Variants in NOMO1 observed in about 807,000 individuals in gnomAD.
The protein encoded by NOMO1 is NODAL modulator 1.
In NOMO1, 40 loss-of-function variants were observed where a neutral mutation model predicts 133.8. The observed-to-expected ratio is 0.30, with a 90% CI of 0.23 to 0.39. The LOEUF is 0.39. NOMO1 is among the 10% of genes least tolerant of loss of function. The probability of loss-of-function intolerance (pLI) is 1.00; values close to 1 mark genes in which losing one functional copy is unlikely to be tolerated. For synonymous variants in NOMO1, 236 were observed against 570.5 expected, an observed-to-expected ratio of 0.41 and a Z score of 8.36; for missense variants, 462 against 1,419.9, an observed-to-expected ratio of 0.33 and a Z score of 10.84.
chr16:14,858,150 GCT>G, intron 11 of NOMO1, among the ~76,000 whole-genome samples: 1 of 75,008 alleles, frequency 1.3e-5, no homozygotes, highest in Non-Finnish European at 2.6e-5. Flanking sequence ...AAAGTCCCTT[GCT>G]TCAAATTAAA....
At chr16:14,864,530 C>T in intron 12 of NOMO1, 55 bp from the exon 13 acceptor site, 1 of 1,610,472 alleles carries the variant, frequency 6.2e-7, no homozygotes, top group South Asian at 1.1e-5. Context: ...CCCTGTAGGT[C>T]AGGGGGAAGA....
At chr16:14,860,549 G>A (rs1002174485) in intron 11 of NOMO1, among the ~76,000 whole-genome samples, 1 of 151,798 alleles carries the variant, frequency 6.6e-6, no homozygotes, top group Non-Finnish European at 1.5e-5. Flanking sequence ...GTAGTGGCCG[G>A]GCCCAGGCGG....
intron 18 of NOMO1, 34 bp from the exon 19 acceptor site, chr16:14,875,002 C>A: frequency 6.2e-7 from 1 of 1,613,488 alleles, no homozygotes; most frequent in African/African-American, 1.3e-5. Context: ...CACAAGGATA[C>A]GCAACTATGT....
At chr16:14,864,353 T>A (rs991622569) in intron 12 of NOMO1, among the ~76,000 whole-genome samples, 1 of 151,926 alleles carries the variant, frequency 6.6e-6, no homozygotes, top group African/African-American at 2.4e-5. Context: ...CAGATAGACT[T>A]TTGTTCATAC....
intron 23 of NOMO1, among the ~76,000 whole-genome samples, 189 bp from the exon 24 acceptor site, chr16:14,879,826 C>T (rs917966553): frequency 1.3e-5 from 2 of 151,008 alleles, no homozygotes; most frequent in Non-Finnish European, 3.0e-5. Context: ...CATCAGCTGC[C>T]GTTGTTAGAG....
intron 11 of NOMO1, among the ~76,000 whole-genome samples, chr16:14,861,945 A>G (rs1447129231): frequency 1.3e-5 from 2 of 149,622 alleles, no homozygotes; most frequent in Admixed American, 6.7e-5. Context: ...TTGCTGACCC[A>G]TGCTGGAGAT....
At chr16:14,854,381 C>G (rs1008651841) in intron 9 of NOMO1, among the ~76,000 whole-genome samples, 1 of 120,810 alleles carries the variant, frequency 8.3e-6, no homozygotes, top group African/African-American at 3.2e-5. Flanking sequence ...GTGGCTCAAG[C>G]TGGAGTGCAG....
intron 3 of NOMO1, among the ~76,000 whole-genome samples, chr16:14,843,413 C>T (rs532343959): frequency 3.3e-5 from 5 of 151,608 alleles, no homozygotes; most frequent in Admixed American, 2.6e-4. Flanking sequence ...AGAGCTGATA[C>T]ATGCTCAGCT....
At chr16:14,879,917 C>G in intron 23 of NOMO1, 98 bp from the exon 24 acceptor site, 1 of 1,605,018 alleles carries the variant, frequency 6.2e-7, no homozygotes, top group Non-Finnish European at 8.5e-7. Context: ...AGCCATGGCG[C>G]TCCCCTGGTG....
At chr16:14,892,467 A>G (rs62038490) in intron 29 of NOMO1, among the ~76,000 whole-genome samples, 85 of 149,520 alleles carry the variant, frequency 5.7e-4, no homozygotes, top group African/African-American at 1.4e-3. Flanking sequence ...GGTGGTGGCC[A>G]AGCAGCCCAG....
intron 6 of NOMO1, among the ~76,000 whole-genome samples, chr16:14,851,066 A>C (rs1460158288): frequency 7.7e-6 from 1 of 129,896 alleles, no homozygotes; most frequent in Non-Finnish European, 1.7e-5. Context: ...CTTGGGTGAC[A>C]GAGTGAGACT....
At position 14,853,560 on chromosome 16, in the gene NOMO1, G is replaced by A; in HGVS notation, c.829G>A (p.Gly277Ser). 2 of 1,609,754 alleles carry A rather than the reference G, an allele frequency of 1.2e-6. No individual in the cohort carries two copies. Among genetic ancestry groups the A allele is most frequent in the Non-Finnish European group, 1.7e-6 (2 of 1,179,560 alleles). The change falls in exon 8 of 31, where the codon GGC (glycine) becomes AGC (serine). Residue 277 changes from glycine (G) to serine (S), a missense_variant. Gly to Ser is a moderately conservative substitution (Grantham distance 56). Coordinates refer to ENST00000287667, the MANE Select transcript of NOMO1 (RefSeq NM_014287.4). ...YLCYTVSRED[G>S]SFSFYSLPSG... ...GTGCTACACGGTCTCCAGAGAAGAT[G>A]GCTCGTTCTCTTTCTATTCCTTGCC...
chr16:14,878,907 C>G, intron 23 of NOMO1, 73 bp downstream of exon 23: 5 of 1,591,740 alleles, frequency 3.1e-6, no homozygotes, highest in South Asian at 2.2e-5. Flanking sequence ...GCGAGACTTA[C>G]GTGTTGCTTG....
chr16:14,846,733 G>C, intron 5 of NOMO1, 50 bp downstream of exon 5: 1 of 821,106 alleles, frequency 1.2e-6, no homozygotes, highest in Non-Finnish European at 1.9e-6. Context: ...GGCTCTGACA[G>C]GGGTCATGGA....
chr16:14,857,209 T>G lies in NOMO1; in HGVS notation c.964-8T>G. ...TCGAGCACCTTCTTCTTGTTCTTTG[T>G]TTTCTAGCCCGTGTTCCACGTCATG... is the stretch of plus-strand genomic sequence containing the variant. On this transcript the variant is annotated splice_polypyrimidine_tract_variant and splice_region_variant and intron_variant, in intron 9 of 30. Coordinates refer to ENST00000287667, the MANE Select transcript of NOMO1 (RefSeq NM_014287.4). The G allele has an allele frequency of 6.3e-7, 1 of 1,596,570 alleles. No homozygotes were observed. Among genetic ancestry groups the G allele is most frequent in the Non-Finnish European group, 8.6e-7 (1 of 1,165,072 alleles).
intron 3 of NOMO1, among the ~76,000 whole-genome samples, chr16:14,843,536 T>C (rs1350435964): frequency 6.6e-6 from 1 of 151,980 alleles, no homozygotes; most frequent in Non-Finnish European, 1.5e-5. Flanking sequence ...TCAGTTTTTT[T>C]TAATTTTAGC....
chr16:14,852,917 C>T (rs1167134929), intron 7 of NOMO1: 3 of 246,376 alleles, frequency 1.2e-5, no homozygotes, highest in African/African-American at 7.1e-5. Context: ...GCAGTAGAAT[C>T]GCTTGAACCC....
chr16:14,842,887 AT>A (rs1438539951), intron 3 of NOMO1, among the ~76,000 whole-genome samples: 1 of 150,476 alleles, frequency 6.6e-6, no homozygotes, highest in Non-Finnish European at 1.5e-5. Context: ...TGATGCATAA[AT>A]ATAAAATTAT....
intron 16 of NOMO1, among the ~76,000 whole-genome samples, chr16:14,870,401 TA>T (rs1964064846): frequency 6.6e-6 from 1 of 151,658 alleles, no homozygotes; most frequent in Non-Finnish European, 1.5e-5. Context: ...TCCAGTAAGC[TA>T]CTTGTCTGTA....
Sources: gnomAD v4.1 joint callset for allele counts (sites outside exome capture counted in the v4.1 genomes callset) on GRCh38, gnomAD v4.1.1 for gene constraint, MANE v1.5 for transcripts, NCBI Gene and HGNC (gene_info 2026-07-23, HGNC 2026-07-21) for gene names.